THSD7B: variants seen among roughly 807,000 people sequenced by gnomAD.
THSD7B encodes thrombospondin type 1 domain containing 7B, also known as thrombospondin type-1 domain-containing protein 7B.
A neutral mutation model predicts 213.6 loss-of-function variants in THSD7B; 138 were observed. That is an observed-to-expected ratio of 0.65 (90% CI 0.56 to 0.74). The LOEUF is 0.74. Ranked by LOEUF, THSD7B falls within the 30% of genes least tolerant of loss-of-function variation. The probability of loss-of-function intolerance (pLI) is 0.00; values close to 1 mark genes in which losing one functional copy is unlikely to be tolerated. For synonymous variants in THSD7B, 742 were observed against 687.0 expected (o/e 1.08, Z -1.25); for missense variants, 1,931 against 1,991.5 (o/e 0.97, Z 0.58).
chr2:137,253,171 T>G (rs924468898), intron 10 of THSD7B, among the ~76,000 whole-genome samples: 1 of 152,174 alleles, frequency 6.6e-6, no homozygotes, highest in African/African-American at 2.4e-5. Flanking sequence ...TGTGTGTACT[T>G]GCATTCTTAC....
At chr2:137,618,282 A>G (rs1682445502) in intron 18 of THSD7B, 110 bp from the exon 19 acceptor site, 1 of 795,548 alleles carries the variant, frequency 1.3e-6, no homozygotes, top group Middle Eastern at 2.4e-4. Flanking sequence ...AAATGATTTT[A>G]GGATTATGTG....
chr2:137,424,730 T>C (rs931260505), intron 14 of THSD7B, among the ~76,000 whole-genome samples: 1 of 152,098 alleles, frequency 6.6e-6, no homozygotes, highest in African/African-American at 2.4e-5. Flanking sequence ...GCTCTCCATA[T>C]TTAAAGGTTC....
At chr2:137,463,774 A>T (rs1015708077) in intron 15 of THSD7B, among the ~76,000 whole-genome samples, 2 of 152,122 alleles carry the variant, frequency 1.3e-5, no homozygotes, top group Non-Finnish European at 2.9e-5. Flanking sequence ...GTGAGTGCAT[A>T]AACAATGGAT....
chr2:137,109,823 T>C lies in THSD7B; in HGVS notation c.1200-5301T>C, dbSNP rs1470854803. ...AACAGGCCGCTGACCAGTACTGGTC[T>C]GTGGCTCGGGTGTTAGGGACCCCTG... On this transcript the variant is annotated intron_variant, in intron 4 of 27. Transcript: ENST00000409968. Among the ~76,000 whole-genome samples the C allele has an allele frequency of 6.6e-5, 10 of 152,318 alleles. No individual in the cohort carries two copies. The East Asian group carries it at 1.9e-3, about 29-fold the overall frequency.
rs56716402 is a variant in THSD7B at position 136,844,462 on chromosome 2, C to CAGAGAGAGAGAGAGAGAGAG, written c.-35-37668_-35-37649dup. ...ACCAAGGAGGAGAGGCCACCCAAAA[C>CAGAGAGAGAGAGAGAGAGAG]AGAGAGAGAGAGAGAGAGAGAGAGA... On this transcript the variant is annotated intron_variant, in intron 1 of 27. Transcript: ENST00000409968. 1.3e-3 allele frequency among the ~76,000 whole-genome samples: 191 copies of CAGAGAGAGAGAGAGAGAGAG among 142,608 alleles called. 3 individuals are homozygous for CAGAGAGAGAGAGAGAGAGAG. The highest frequency in any genetic ancestry group is 7.0e-3 in the Middle Eastern group (2 of 286). The allele number at this position is 142,608 out of a possible 152,430, so 93.6% of individuals were successfully genotyped here. A position where few individuals can be genotyped will look rare whatever the true frequency, so the allele number is the denominator to read the frequency against.
At chr2:137,053,311 T>C (rs545122131) in intron 2 of THSD7B, among the ~76,000 whole-genome samples, 1 of 152,332 alleles carries the variant, frequency 6.6e-6, no homozygotes, top group Admixed American at 6.5e-5. Context: ...AGATCATGGC[T>C]AAGCTAAGAA....
intron 5 of THSD7B, among the ~76,000 whole-genome samples, chr2:137,157,767 C>A (rs1679938609): frequency 6.6e-6 from 1 of 152,130 alleles, no homozygotes; most frequent in Non-Finnish European, 1.5e-5. Flanking sequence ...AGAATAATAA[C>A]AACATATATC....
intron 4 of THSD7B, among the ~76,000 whole-genome samples, chr2:137,101,625 GC>G (rs1688152463): frequency 6.6e-6 from 1 of 152,142 alleles, no homozygotes; most frequent in Admixed American, 6.5e-5. Flanking sequence ...AGCCCAGCAA[GC>G]TAAGATCCAC....
At chr2:136,938,956 A>T (rs539271951) in intron 2 of THSD7B, among the ~76,000 whole-genome samples, 11 of 152,364 alleles carry the variant, frequency 7.2e-5, no homozygotes, top group African/African-American at 2.6e-4. Flanking sequence ...TGCTATAGAA[A>T]TTAAGACACA....
intron 1 of THSD7B, among the ~76,000 whole-genome samples, chr2:136,795,154 C>T (rs916946290): frequency 7.9e-5 from 12 of 151,974 alleles, no homozygotes; most frequent in African/African-American, 2.9e-4. Flanking sequence ...AATTTTCTTA[C>T]AGTTCTGGAG....
At chr2:136,939,517 T>C (rs1191448573) in intron 2 of THSD7B, among the ~76,000 whole-genome samples, 8 of 152,164 alleles carry the variant, frequency 5.3e-5, no homozygotes, top group Non-Finnish European at 1.2e-4. Flanking sequence ...ATGGGAGAAT[T>C]CCTGTCAGGT....
chr2:137,453,917 C>A (rs1240617785), intron 15 of THSD7B, among the ~76,000 whole-genome samples: 2 of 152,128 alleles, frequency 1.3e-5, no homozygotes, highest in Non-Finnish European at 2.9e-5. Context: ...CCAGTTGCAT[C>A]CATGTAGTCT....
intron 12 of THSD7B, among the ~76,000 whole-genome samples, chr2:137,283,259 A>G (rs1291955912): frequency 1.3e-5 from 2 of 152,196 alleles, no homozygotes; most frequent in African/African-American, 4.8e-5. Flanking sequence ...TTGATTTTGT[A>G]TCCTGAGACT....
intron 7 of THSD7B, among the ~76,000 whole-genome samples, chr2:137,198,689 G>T (rs1262505440): frequency 6.6e-6 from 1 of 152,090 alleles, no homozygotes; most frequent in Non-Finnish European, 1.5e-5. Context: ...GTATAAATGG[G>T]AATATATATT....
chr2:136,860,343 C>A (rs1303864996), intron 1 of THSD7B, among the ~76,000 whole-genome samples: 1 of 152,096 alleles, frequency 6.6e-6, no homozygotes, highest in African/African-American at 2.4e-5. Flanking sequence ...TAGCTAATGT[C>A]TCCCAAATTT....
At chr2:136,957,243 G>A (rs1685141562) in intron 2 of THSD7B, among the ~76,000 whole-genome samples, 1 of 152,096 alleles carries the variant, frequency 6.6e-6, no homozygotes, top group Non-Finnish European at 1.5e-5. Flanking sequence ...CTTCCACCAA[G>A]GATTGATTCT....
At chr2:137,457,069 ATTG>A (rs1407772225) in intron 15 of THSD7B, among the ~76,000 whole-genome samples, 1 of 152,032 alleles carries the variant, frequency 6.6e-6, no homozygotes, top group Admixed American at 6.6e-5. Flanking sequence ...TCCAAGAAAA[ATTG>A]TTTTTTTCTC....
intron 1 of THSD7B, among the ~76,000 whole-genome samples, chr2:136,788,200 G>A (rs1681903292): frequency 6.6e-6 from 1 of 152,196 alleles, no homozygotes; most frequent in Non-Finnish European, 1.5e-5. Context: ...CCAGAATGGG[G>A]TTAAAGTGCC....
At chr2:137,248,528 T>C (rs1188896756) in intron 10 of THSD7B, among the ~76,000 whole-genome samples, 4 of 152,144 alleles carry the variant, frequency 2.6e-5, no homozygotes, top group South Asian at 2.1e-4. Flanking sequence ...CAGATCCAGG[T>C]CAATTAGGGA....
Sources: allele counts gnomAD v4.1 joint callset (sites outside exome capture counted in the v4.1 genomes callset), GRCh38; gene constraint gnomAD v4.1.1; transcripts MANE v1.5; gene names NCBI Gene and HGNC (gene_info 2026-07-23, HGNC 2026-07-21).